Variants in SCN8A observed in about 807,000 individuals in gnomAD.
SCN8A encodes sodium channel protein type 8 subunit alpha.
A neutral mutation model predicts 184.1 loss-of-function variants in SCN8A; 30 were observed. The ratio of observed to expected loss-of-function variants is 0.16; its 90% CI spans 0.12 to 0.22. The LOEUF (loss-of-function observed/expected upper bound fraction) is 0.22, where lower values mean the gene tolerates loss of function less well. Among genes scored for constraint, SCN8A ranks in the 10% least tolerant of loss-of-function variants. The probability of loss-of-function intolerance (pLI) is 1.00; values close to 1 mark genes in which losing one functional copy is unlikely to be tolerated. For missense variants in SCN8A, 1,057 were observed against 2,498.9 expected, an observed-to-expected ratio of 0.42 and a Z score of 12.30; for synonymous variants, 852 against 907.0, an observed-to-expected ratio of 0.94 and a Z score of 1.09.
chr12:51,773,432 C>T (rs535740148), intron 19 of SCN8A, among the ~76,000 whole-genome samples: 1 of 152,296 alleles, frequency 6.6e-6, no homozygotes, highest in East Asian at 1.9e-4. Context: ...GAGTATCTCC[C>T]ACCTGTATGA....
At chr12:51,627,756 T>C (rs1010647516) in intron 1 of SCN8A, among the ~76,000 whole-genome samples, 5 of 152,212 alleles carry the variant, frequency 3.3e-5, no homozygotes, top group Non-Finnish European at 5.9e-5. Context: ...TTCTGAATTG[T>C]CTAGTATTAA....
chr12:51,595,267 A>G (rs1244382415), intron 1 of SCN8A, among the ~76,000 whole-genome samples: 1 of 152,216 alleles, frequency 6.6e-6, no homozygotes, highest in Non-Finnish European at 1.5e-5. Flanking sequence ...GCGGAAATGT[A>G]TGGCAGTCTG....
intron 11 of SCN8A, chr12:51,713,183 A>C: frequency 8.4e-7 from 1 of 1,188,990 alleles, no homozygotes; most frequent in Non-Finnish European, 1.2e-6. Context: ...TAGTCTCTCA[A>C]ATTATATTCC....
At chr12:51,614,689 C>T (rs1398905009) in intron 1 of SCN8A, among the ~76,000 whole-genome samples, 1 of 152,026 alleles carries the variant, frequency 6.6e-6, no homozygotes, top group African/African-American at 2.4e-5. Flanking sequence ...GATCCAGGAT[C>T]CGGTCCAGGA....
At chr12:51,724,621 A>G (rs532027266) in intron 12 of SCN8A, among the ~76,000 whole-genome samples, 46 of 152,326 alleles carry the variant, frequency 3.0e-4, no homozygotes, top group Admixed American at 2.5e-3. Context: ...CTCCGAAAAA[A>G]CAAGAGATAA....
At chr12:51,697,005 C>G (rs990991067) in intron 6 of SCN8A, among the ~76,000 whole-genome samples, 1 of 146,572 alleles carries the variant, frequency 6.8e-6, no homozygotes, top group African/African-American at 2.5e-5. Flanking sequence ...TGCCATTGCA[C>G]TCCAGCCTGG....
intron 15 of SCN8A, among the ~76,000 whole-genome samples, chr12:51,763,201 T>A (rs182152827): frequency 6.6e-6 from 1 of 152,348 alleles, no homozygotes; most frequent in Admixed American, 6.5e-5. Context: ...ACTTATAATT[T>A]TTCCGCTTTA....
At position 51,790,520 on chromosome 12, in the gene SCN8A, GCT is replaced by G; in HGVS notation, c.4524+19_4524+20del. ...GCCCCTTGGTAAGTGCATTGTGCAGGCTGAGGCCTTGGTGAGAACCCATATAG... is the reference window on the plus strand; with the variant it reads ...GCCCCTTGGTAAGTGCATTGTGCAGGGAGGCCTTGGTGAGAACCCATATAG... On this transcript the variant is annotated intron_variant, in intron 25 of 26. Coordinates refer to ENST00000627620, the MANE Select transcript of SCN8A (RefSeq NM_001330260.2). 1 of 1,537,028 alleles carries G rather than the reference GCT, an allele frequency of 6.5e-7. No individual in the cohort carries two copies. Among genetic ancestry groups the G allele is most frequent in the Non-Finnish European group, 9.0e-7 (1 of 1,116,704 alleles).
intron 21 of SCN8A, among the ~76,000 whole-genome samples, chr12:51,781,509 C>G (rs1937921201): frequency 6.6e-6 from 1 of 152,080 alleles, no homozygotes; most frequent in Non-Finnish European, 1.5e-5. Context: ...TTTCTTGATA[C>G]CTCCTATTCC....
In SCN8A at chr12:51,779,567, G is replaced by A. The variant is rs571176105; in HGVS notation, c.3820-1082G>A. Among the ~76,000 whole-genome samples, 4 of 152,314 alleles carry A rather than the reference G, an allele frequency of 2.6e-5. No individual in the cohort carries two copies. In the South Asian group the frequency reaches 6.2e-4, roughly 24 times the overall value. On this transcript the variant is annotated intron_variant, in intron 20 of 26. Coordinates refer to ENST00000627620, the MANE Select transcript of SCN8A (RefSeq NM_001330260.2). The stretch of plus-strand genomic sequence containing the variant: ...GTTGTGTAACCTGCCCACTGGGGAC[G>A]TGACCTGTCTGTGGAAGAAAAAGCA...
intron 1 of SCN8A, among the ~76,000 whole-genome samples, chr12:51,658,982 C>T (rs1331033333): frequency 1.3e-5 from 2 of 152,092 alleles, no homozygotes; most frequent in African/African-American, 2.4e-5. Context: ...CATTCCACTC[C>T]TAGCTATATG....
At chr12:51,594,801 C>T (rs1939309411) in intron 1 of SCN8A, among the ~76,000 whole-genome samples, 1 of 151,086 alleles carries the variant, frequency 6.6e-6, no homozygotes, top group African/African-American at 2.4e-5. Flanking sequence ...CTTTTTTTTT[C>T]CCATAGAGAG....
chr12:51,595,539 A>G (rs1332676792), intron 1 of SCN8A, among the ~76,000 whole-genome samples: 4 of 152,210 alleles, frequency 2.6e-5, no homozygotes, highest in Non-Finnish European at 4.4e-5. Context: ...ACTAGATTCA[A>G]ATCCCGACTC....
At chr12:51,804,117 T>C (rs1938626036) in intron 26 of SCN8A, among the ~76,000 whole-genome samples, 1 of 152,198 alleles carries the variant, frequency 6.6e-6, no homozygotes, top group African/African-American at 2.4e-5. Flanking sequence ...TTTCCCAGAC[T>C]TTTCAACTCC....
chr12:51,771,520 G>A (rs1342458028), intron 19 of SCN8A, among the ~76,000 whole-genome samples: 1 of 152,192 alleles, frequency 6.6e-6, no homozygotes, highest in Non-Finnish European at 1.5e-5. Flanking sequence ...GACTTGTGAG[G>A]CAGGAGAATA....
intron 6 of SCN8A, among the ~76,000 whole-genome samples, chr12:51,691,513 G>C (rs1235094413): frequency 2.0e-5 from 3 of 151,950 alleles, no homozygotes; most frequent in African/African-American, 7.3e-5. Flanking sequence ...CTCCATAAAT[G>C]ATTGTAGTAG....
intron 2 of SCN8A, among the ~76,000 whole-genome samples, chr12:51,677,815 G>T (rs1592373320): frequency 6.6e-6 from 1 of 152,174 alleles, no homozygotes; most frequent in Admixed American, 6.5e-5. Context: ...ACATTCAGTG[G>T]CTGTTGTTGT....
At chr12:51,691,832 C>T (rs1292205745) in intron 6 of SCN8A, among the ~76,000 whole-genome samples, 1 of 152,176 alleles carries the variant, frequency 6.6e-6, no homozygotes, top group African/African-American at 2.4e-5. Flanking sequence ...AAGTTTCCCT[C>T]ATGGGAAGTT....
At chr12:51,785,005 T>C (rs1469366902) in intron 21 of SCN8A, among the ~76,000 whole-genome samples, 1 of 152,246 alleles carries the variant, frequency 6.6e-6, no homozygotes, top group African/African-American at 2.4e-5. Context: ...TGTGAAATGC[T>C]GTCACATAGA....
Sources: gnomAD v4.1 joint callset for allele counts (sites outside exome capture counted in the v4.1 genomes callset) on GRCh38, gnomAD v4.1.1 for gene constraint, MANE v1.5 for transcripts, NCBI Gene and HGNC (gene_info 2026-07-23, HGNC 2026-07-21) for gene names.